ADAMTSL1: variants seen among roughly 807,000 people sequenced by gnomAD.
The protein encoded by ADAMTSL1 is ADAMTS like 1.
Under a neutral mutation model 201.8 loss-of-function variants are expected in ADAMTSL1, and 126 were observed. That is an observed-to-expected ratio of 0.62 (90% CI 0.54 to 0.72). The LOEUF is 0.72. ADAMTSL1 is among the 30% of genes least tolerant of loss of function. The pLI is 0.00. For synonymous variants in ADAMTSL1, 1,121 were observed against 903.4 expected, an observed-to-expected ratio of 1.24 and a Z score of -4.32; for missense variants, 2,679 against 2,277.8, an observed-to-expected ratio of 1.18 and a Z score of -3.59.
chr9:17,989,293 A>G (rs1368415255), intron 1 of ADAMTSL1, among the ~76,000 whole-genome samples: 1 of 150,648 alleles, frequency 6.6e-6, no homozygotes, highest in Admixed American at 6.6e-5. Flanking sequence ...ATTGTACTAT[A>G]TGTAATGTTT....
intron 2 of ADAMTSL1, among the ~76,000 whole-genome samples, chr9:18,293,747 G>T (rs984337240): frequency 2.0e-5 from 3 of 152,082 alleles, no homozygotes; most frequent in African/African-American, 4.8e-5. Flanking sequence ...TGTTTAACTG[G>T]TTATTGTCAA....
intron 13 of ADAMTSL1, among the ~76,000 whole-genome samples, chr9:18,688,547 A>G (rs1474580772): frequency 1.4e-5 from 2 of 147,046 alleles, no homozygotes; most frequent in Admixed American, 6.9e-5. Context: ...GTGTGCCTAT[A>G]TTCGCAGCTA....
At chr9:18,763,574 T>C (rs1003599058) in intron 16 of ADAMTSL1, among the ~76,000 whole-genome samples, 2 of 152,180 alleles carry the variant, frequency 1.3e-5, no homozygotes, top group Non-Finnish European at 2.9e-5. Context: ...ACCAATGTCC[T>C]GGAGATTCCC....
At chr9:18,403,741 G>A (rs1272420670) in intron 2 of ADAMTSL1, among the ~76,000 whole-genome samples, 14 of 152,008 alleles carry the variant, frequency 9.2e-5, no homozygotes, top group Admixed American at 9.2e-4. Flanking sequence ...TCATATTTTT[G>A]TTGCTCCTCT....
intron 15 of ADAMTSL1, among the ~76,000 whole-genome samples, chr9:18,745,904 A>T (rs779154833): frequency 1.2e-4 from 19 of 152,190 alleles, no homozygotes; most frequent in Admixed American, 6.5e-4. Flanking sequence ...ATCCTGGCCC[A>T]GCGCTGACCC....
intron 2 of ADAMTSL1, among the ~76,000 whole-genome samples, chr9:18,185,507 T>C (rs1397704221): frequency 1.3e-5 from 2 of 152,184 alleles, no homozygotes; most frequent in Non-Finnish European, 2.9e-5. Flanking sequence ...ATGTGTATTA[T>C]TATTAGCCAC....
At chr9:18,628,936 A>T (rs1038075087) in intron 5 of ADAMTSL1, among the ~76,000 whole-genome samples, 7 of 152,156 alleles carry the variant, frequency 4.6e-5, no homozygotes, top group African/African-American at 1.7e-4. Context: ...TAATCATAGC[A>T]CACTACAGAC....
At chr9:18,299,819 A>G (rs80059111) in intron 2 of ADAMTSL1, among the ~76,000 whole-genome samples, 2,235 of 152,358 alleles carry the variant, frequency 0.015, 46 homozygotes, top group African/African-American at 0.049. Flanking sequence ...TATGAAAGAC[A>G]TCTACACTGA....
chr9:18,719,672 C>CT (rs201413654), intron 14 of ADAMTSL1, among the ~76,000 whole-genome samples: 147 of 152,268 alleles, frequency 9.7e-4, no homozygotes, highest in Middle Eastern at 6.8e-3. Context: ...CTTTGTGGTT[C>CT]TTTTTTTTAA....
intron 2 of ADAMTSL1, among the ~76,000 whole-genome samples, chr9:18,301,577 C>T (rs571570707): frequency 6.6e-6 from 1 of 152,066 alleles, no homozygotes; most frequent in African/African-American, 2.4e-5. Flanking sequence ...TGACAATACA[C>T]TATAATAAAA....
At chr9:18,526,955 G>T (rs1241642425) in intron 2 of ADAMTSL1, among the ~76,000 whole-genome samples, 1 of 152,138 alleles carries the variant, frequency 6.6e-6, no homozygotes, top group Non-Finnish European at 1.5e-5. Flanking sequence ...CTTGTAAAGA[G>T]CTCATAGATT....
In ADAMTSL1 at chr9:18,886,207, TATATAC is replaced by T. The variant is rs1175047211; in HGVS notation, c.4250-1622_4250-1617del. ...ATATATATATATATATATATATATA[TATATAC>T]ACACACATACATATACATACATACA... On this transcript the variant is annotated intron_variant, in intron 23 of 28. Coordinates refer to ENST00000380548, the MANE Select transcript of ADAMTSL1 (RefSeq NM_001040272.6). 6.3e-3 allele frequency among the ~76,000 whole-genome samples: 757 copies of T among 120,642 alleles called. 4 individuals are homozygous for T. The highest frequency in any genetic ancestry group is 0.013 in the African/African-American group (348 of 26,618). 79.1% of individuals were successfully genotyped at this position (120,642 alleles called of 152,430 possible).
chr9:18,755,398 C>T (rs1448146768), intron 16 of ADAMTSL1, among the ~76,000 whole-genome samples: 1 of 152,162 alleles, frequency 6.6e-6, no homozygotes, highest in Admixed American at 6.5e-5. Flanking sequence ...AAAATGTTTA[C>T]TGAATGATGA....
intron 2 of ADAMTSL1, among the ~76,000 whole-genome samples, chr9:18,436,535 A>C (rs1819740565): frequency 6.6e-6 from 1 of 152,104 alleles, no homozygotes; most frequent in Non-Finnish European, 1.5e-5. Context: ...AGCTCCTTCA[A>C]ACAGTATTCT....
At chr9:18,847,973 G>C (rs909771562) in intron 23 of ADAMTSL1, among the ~76,000 whole-genome samples, 1 of 152,256 alleles carries the variant, frequency 6.6e-6, no homozygotes, top group Admixed American at 6.5e-5. Flanking sequence ...GCAGGCAGAA[G>C]TGATTTAGTT....
intron 4 of ADAMTSL1, among the ~76,000 whole-genome samples, chr9:18,598,095 G>A (rs1262848410): frequency 6.6e-6 from 1 of 152,184 alleles, no homozygotes; most frequent in Non-Finnish European, 1.5e-5. Flanking sequence ...GCAATGATCT[G>A]TGTGGTTAAT....
chr9:17,943,081 C>T (rs1827308296), intron 1 of ADAMTSL1, among the ~76,000 whole-genome samples: 1 of 152,004 alleles, frequency 6.6e-6, no homozygotes, highest in African/African-American at 2.4e-5. Context: ...ACTACTATGC[C>T]AGGCTAATTT....
At chr9:18,051,450 G>A (rs1188477382) in intron 1 of ADAMTSL1, among the ~76,000 whole-genome samples, 1 of 152,176 alleles carries the variant, frequency 6.6e-6, no homozygotes, top group Non-Finnish European at 1.5e-5. Flanking sequence ...ACATTTCAGA[G>A]GCATGTGTCC....
intron 2 of ADAMTSL1, among the ~76,000 whole-genome samples, chr9:18,412,955 TAG>T (rs1818510579): frequency 1.3e-5 from 2 of 152,172 alleles, no homozygotes; most frequent in African/African-American, 4.8e-5. Flanking sequence ...AGAGTGATGT[TAG>T]AGATATCTAT....
Sources: gnomAD v4.1 joint callset for allele counts (sites outside exome capture counted in the v4.1 genomes callset) on GRCh38, gnomAD v4.1.1 for gene constraint, MANE v1.5 for transcripts, NCBI Gene and HGNC (gene_info 2026-07-23, HGNC 2026-07-21) for gene names.